SORBS2: variants seen among roughly 807,000 people sequenced by gnomAD.
SORBS2 encodes the protein sorbin and SH3 domain-containing protein 2.
Under a neutral mutation model 97.7 loss-of-function variants are expected in SORBS2, and 46 were observed. The observed-to-expected ratio is 0.47, with a 90% CI of 0.37 to 0.60. SORBS2 has a LOEUF of 0.60. SORBS2 is among the 20% of genes least tolerant of loss of function. The probability of loss-of-function intolerance (pLI) is 0.00; values close to 1 mark genes in which losing one functional copy is unlikely to be tolerated. For missense variants in SORBS2, 1,316 were observed against 1,282.3 expected (o/e 1.03, Z -0.40); for synonymous variants, 476 against 473.4 (o/e 1.01, Z -0.07).
chr4:185,946,940 C>G (rs2099274808), intron 1 of SORBS2, among the ~76,000 whole-genome samples: 1 of 152,196 alleles, frequency 6.6e-6, no homozygotes, highest in South Asian at 2.1e-4. Context: ...TACAACCAAA[C>G]CTCTCCCTGG....
intron 4 of SORBS2, among the ~76,000 whole-genome samples, chr4:185,640,576 A>G (rs545322826): frequency 2.0e-5 from 3 of 152,298 alleles, no homozygotes; most frequent in African/African-American, 7.2e-5. Flanking sequence ...TAGAGACAAA[A>G]TATTCTAGTA....
intron 1 of SORBS2, among the ~76,000 whole-genome samples, chr4:185,873,301 A>C (rs966716109): frequency 6.6e-6 from 1 of 152,168 alleles, no homozygotes; most frequent in Non-Finnish European, 1.5e-5. Context: ...ACTTACGGAG[A>C]TGGAGCAAGA....
chr4:185,724,877 C>T (rs985325709), intron 2 of SORBS2, among the ~76,000 whole-genome samples: 4 of 152,154 alleles, frequency 2.6e-5, no homozygotes, highest in African/African-American at 9.7e-5. Context: ...AAAACACTTT[C>T]CTTGAGCAAT....
At chr4:185,859,691 A>T (rs2099222583) in intron 1 of SORBS2, among the ~76,000 whole-genome samples, 1 of 152,092 alleles carries the variant, frequency 6.6e-6, no homozygotes, top group African/African-American at 2.4e-5. Context: ...AAGCCTCCTG[A>T]GGTCAGGGAT....
At chr4:185,852,589 T>C (rs1007354716) in intron 1 of SORBS2, among the ~76,000 whole-genome samples, 1 of 152,204 alleles carries the variant, frequency 6.6e-6, no homozygotes, top group Non-Finnish European at 1.5e-5. Flanking sequence ...TTTCCTTGAA[T>C]GATAGGAAAA....
At chr4:185,692,977 T>C (rs1211114805) in intron 2 of SORBS2, among the ~76,000 whole-genome samples, 1 of 152,192 alleles carries the variant, frequency 6.6e-6, no homozygotes. Context: ...ATCCTTACTA[T>C]ATGGTGTTTA....
intron 1 of SORBS2, among the ~76,000 whole-genome samples, chr4:185,814,361 CAA>C (rs113675433): frequency 3.4e-5 from 4 of 118,912 alleles, no homozygotes; most frequent in East Asian, 2.3e-4. Context: ...TGCATCTCTA[CAA>C]AAAAAAAAAA....
chr4:185,862,312 G>C (rs913125905), intron 1 of SORBS2, among the ~76,000 whole-genome samples: 3 of 152,228 alleles, frequency 2.0e-5, no homozygotes, highest in African/African-American at 7.2e-5. Flanking sequence ...AGCCTTGTAG[G>C]ACATGGTATG....
intron 2 of SORBS2, among the ~76,000 whole-genome samples, chr4:185,726,158 A>G (rs2098553430): frequency 6.6e-6 from 1 of 152,156 alleles, no homozygotes; most frequent in South Asian, 2.1e-4. Flanking sequence ...CTTTTGTGAG[A>G]TGTTTTATTC....
chr4:185,707,841 C>T (rs55747235), intron 2 of SORBS2, among the ~76,000 whole-genome samples: 2,287 of 152,178 alleles, frequency 0.015, 62 homozygotes, highest in African/African-American at 0.051. Flanking sequence ...AAGAACAGCA[C>T]GAGAAAGACG....
chr4:185,878,030 C>T (rs370389233), intron 1 of SORBS2, among the ~76,000 whole-genome samples: 9 of 151,998 alleles, frequency 5.9e-5, no homozygotes, highest in African/African-American at 1.2e-4. Context: ...ACATGTTCCA[C>T]GGCTGTTAAA....
intron 2 of SORBS2, among the ~76,000 whole-genome samples, chr4:185,753,230 T>C (rs1009386276): frequency 1.3e-5 from 2 of 152,172 alleles, no homozygotes; most frequent in South Asian, 2.1e-4. Flanking sequence ...CACCAACCCA[T>C]AAACACAAAA....
At chr4:185,859,675 G>T (rs1003314685) in intron 1 of SORBS2, among the ~76,000 whole-genome samples, 1 of 151,316 alleles carries the variant, frequency 6.6e-6, no homozygotes, top group African/African-American at 2.5e-5. Context: ...TCCTTTAGTA[G>T]TTTGTAAGCC....
At chr4:185,602,003 G>A (rs1199290276) in intron 12 of SORBS2, among the ~76,000 whole-genome samples, 1 of 152,190 alleles carries the variant, frequency 6.6e-6, no homozygotes, top group Non-Finnish European at 1.5e-5. Flanking sequence ...AGCTTATAGA[G>A]GAGCTGAGAT....
At chr4:185,741,633 G>A (rs948817177) in intron 2 of SORBS2, among the ~76,000 whole-genome samples, 1 of 151,570 alleles carries the variant, frequency 6.6e-6, no homozygotes, top group African/African-American at 2.4e-5. Context: ...CAAAGTGCTG[G>A]GATTACAGGC....
chr4:185,610,973 A>C (rs1174302446), intron 12 of SORBS2, among the ~76,000 whole-genome samples: 1 of 152,154 alleles, frequency 6.6e-6, no homozygotes, highest in African/African-American at 2.4e-5. Context: ...AAAATAAGAA[A>C]AAATTTCACA....
chr4:185,674,650 T>C lies in SORBS2; in HGVS notation c.-46+3773A>G, dbSNP rs79066843. 6.0e-4 allele frequency among the ~76,000 whole-genome samples: 91 copies of C among 152,258 alleles called. 1 individual carries two copies. The East Asian group carries it at 0.017, about 28-fold the overall frequency. On this transcript the variant is annotated intron_variant, in intron 4 of 20. Coordinates refer to the SORBS2 transcript ENST00000284776. ...GCTTATAAGGCCTCCTGTCATCTGG[T>C]CTTTGTTACCTCTGACTTCACTTCC...
intron 1 of SORBS2, among the ~76,000 whole-genome samples, chr4:185,825,337 C>G (rs1473583789): frequency 6.6e-6 from 1 of 152,110 alleles, no homozygotes; most frequent in Non-Finnish European, 1.5e-5. Flanking sequence ...TATTAAATCT[C>G]TTCCTTATAG....
In SORBS2 at chr4:185,623,281, C is replaced by T. The variant is rs28528960; in HGVS notation, c.1848G>A (p.Ser616=). 134,785 of 1,613,826 alleles carry T rather than the reference C, an allele frequency of 0.084. 7,729 individuals are homozygous for T. The highest frequency in any genetic ancestry group is 0.3 in the African/African-American group (22,261 of 74,876). The change falls in exon 7 of 15, where the codon TCG becomes TCA. Residue 616 remains serine (S), a synonymous_variant. Coordinates refer to ENST00000418609, the Ensembl canonical transcript of SORBS2. The surrounding 1 kb of genome is among the most constrained non-coding windows in gnomAD (Gnocchi z 6.4). ...CCTTTTCAGTCTGTTTCTTAGGAGC[C>T]GAATTTTTTTTCCTCCGGAAAGGCA...
Sources: allele counts gnomAD v4.1 joint callset (sites outside exome capture counted in the v4.1 genomes callset), GRCh38; gene constraint gnomAD v4.1.1; non-coding constraint Gnocchi (gnomAD v3.1); transcripts MANE v1.5; gene names NCBI Gene and HGNC (gene_info 2026-07-23, HGNC 2026-07-21).